The following PRR16 variants were observed in gnomAD, a reference collection of about 807,000 sequenced individuals.
PRR16 encodes proline rich 16, also known as protein Largen.
Under a neutral mutation model 18.2 loss-of-function variants are expected in PRR16, and 6 were observed. The observed-to-expected ratio is 0.33, with a 90% CI of 0.18 to 0.65. The LOEUF (loss-of-function observed/expected upper bound fraction) is 0.65. Ranked by LOEUF, PRR16 falls within the 30% of genes least tolerant of loss-of-function variation. The pLI is 0.74. For synonymous variants in PRR16, 151 were observed against 147.8 expected, an observed-to-expected ratio of 1.02 and a Z score of -0.16; for missense variants, 412 against 376.6, an observed-to-expected ratio of 1.09 and a Z score of -0.78.
At chr5:120,618,595 C>T (rs1375286867) in intron 1 of PRR16, 4 of 905,516 alleles carry the variant, frequency 4.4e-6, no homozygotes, top group South Asian at 5.1e-5. Flanking sequence ...TAGCAAATCA[C>T]ATAAAATGGA....
At chr5:120,692,333 C>A in the PRR16 span, among the ~76,000 whole-genome samples, 1 of 152,098 alleles carries the variant, frequency 6.6e-6, no homozygotes, top group Admixed American at 6.5e-5. Context: ...CACCCTGAGC[C>A]TGGGAGAATC....
the PRR16 span, among the ~76,000 whole-genome samples, chr5:120,753,893 AATAT>A: frequency 7.9e-6 from 1 of 126,064 alleles, no homozygotes; most frequent in Non-Finnish European, 1.6e-5. Context: ...TATTATATAT[AATAT>A]ATATTTATAA....
chr5:120,715,656 A>G, the PRR16 span, among the ~76,000 whole-genome samples: 3 of 152,216 alleles, frequency 2.0e-5, no homozygotes, highest in African/African-American at 4.8e-5. Context: ...TCATGTTAAA[A>G]CAAAGCAAGT....
chr5:120,591,302 T>A (rs566186578), intron 1 of PRR16, among the ~76,000 whole-genome samples: 216 of 151,958 alleles, frequency 1.4e-3, no homozygotes, highest in Non-Finnish European at 5.4e-4. Context: ...AATAAATAAA[T>A]AAAAAATAAT....
intron 1 of PRR16, among the ~76,000 whole-genome samples, chr5:120,666,538 G>C (rs974617885): frequency 6.6e-6 from 1 of 151,896 alleles, no homozygotes; most frequent in African/African-American, 2.4e-5. Context: ...TCTTGTGCCA[G>C]TTTTCAAAGG....
intron 1 of PRR16, among the ~76,000 whole-genome samples, chr5:120,633,192 C>T (rs1386996672): frequency 1.3e-5 from 2 of 152,074 alleles, no homozygotes; most frequent in African/African-American, 2.4e-5. Context: ...AGAGAATTCT[C>T]CACTACCAAG....
chr5:120,781,136 G>C, the PRR16 span: 1 of 151,894 alleles, frequency 6.6e-6, no homozygotes, highest in Non-Finnish European at 1.5e-5. Flanking sequence ...CAAAATAATT[G>C]ACAATTTTTT....
chr5:120,698,508 A>ACAGTCTAAACTGT, the PRR16 span, among the ~76,000 whole-genome samples: 1 of 118,846 alleles, frequency 8.4e-6, no homozygotes, highest in Admixed American at 8.3e-5. Context: ...GCTTGGAGAA[A>ACAGTCTAAACTGT]CAGTGTAAAC....
the PRR16 span, among the ~76,000 whole-genome samples, chr5:120,778,138 T>G: frequency 6.6e-6 from 1 of 152,078 alleles, no homozygotes; most frequent in Admixed American, 6.6e-5. Context: ...CAATAAAGAC[T>G]GCTGATCATT....
In PRR16 at chr5:120,588,525, G is replaced by A. The variant is rs1300727921; in HGVS notation, c.160-97429G>A. Among the ~76,000 whole-genome samples, 4 of 152,178 alleles carry A rather than the reference G, an allele frequency of 2.6e-5. No individual in the cohort carries two copies. In the East Asian group the frequency reaches 7.7e-4, roughly 29 times the overall value. ...ATTAGAAGGATTTCAGCTTGTTGAA[G>A]GCTCAGATGACCATTAACATTTTTA... On this transcript the variant is annotated intron_variant, in intron 1 of 1. Transcript: ENST00000407149.
chr5:120,537,811 C>T (rs1323528089), intron 1 of PRR16, among the ~76,000 whole-genome samples: 66 of 121,258 alleles, frequency 5.4e-4, no homozygotes, highest in African/African-American at 2.0e-3. Flanking sequence ...GAGTCTCGCT[C>T]TGTCGCCCAG....
chr5:120,582,551 A>C (rs933614158), intron 1 of PRR16, among the ~76,000 whole-genome samples: 7 of 152,104 alleles, frequency 4.6e-5, no homozygotes, highest in African/African-American at 7.2e-5. Flanking sequence ...AAAGCAATAA[A>C]CTATGCTCTT....
At chr5:120,766,601 TAAGTG>T in the PRR16 span, among the ~76,000 whole-genome samples, 3 of 152,112 alleles carry the variant, frequency 2.0e-5, no homozygotes, top group Middle Eastern at 3.4e-3. Flanking sequence ...AATTCCCTCT[TAAGTG>T]AATCAGCTCA....
chr5:120,702,809 T>A, the PRR16 span, among the ~76,000 whole-genome samples: 46 of 152,198 alleles, frequency 3.0e-4, 1 homozygote, highest in East Asian at 8.3e-3. Flanking sequence ...AAGAGGCCGC[T>A]TACCTGATTT....
intron 1 of PRR16, among the ~76,000 whole-genome samples, chr5:120,597,071 T>C (rs1205965423): frequency 1.3e-5 from 2 of 151,720 alleles, no homozygotes; most frequent in African/African-American, 4.8e-5. Context: ...TGAATGTTTA[T>C]TTCTTGATAA....
chr5:120,496,160 A>T (rs1750238300), intron 1 of PRR16, among the ~76,000 whole-genome samples: 1 of 152,028 alleles, frequency 6.6e-6, no homozygotes, highest in Non-Finnish European at 1.5e-5. Context: ...CTGTATAATT[A>T]ATTTTGTATA....
chr5:120,537,769 G>GTTATTTTTTTTTTTTTTTTT (rs1561536413), intron 1 of PRR16, among the ~76,000 whole-genome samples: 1 of 115,198 alleles, frequency 8.7e-6, no homozygotes, highest in Non-Finnish European at 1.7e-5. Flanking sequence ...AATTTTTAAT[G>GTTATTTTTTTTTTTTTTTTT]TTTTTTTTTT....
rs546861141 is a variant in PRR16, at chr5:120,484,387, C to T, written c.159+19742C>T. ...TATAATACATGAATATTATATATAT[C>T]ATTTATAATATATAAGAATATATAC... On this transcript the variant is annotated intron_variant, in intron 1 of 1. Coordinates refer to ENST00000407149, the MANE Select transcript of PRR16 (RefSeq NM_001300783.2). Among the ~76,000 whole-genome samples the T allele has an allele frequency of 1.2e-3, 167 of 143,256 alleles. 5 individuals carry two copies. The South Asian group carries it at 0.033, about 28-fold the overall frequency. The allele number at this position is 143,256 out of a possible 152,430, so 94.0% of individuals were successfully genotyped here.
At chr5:120,754,535 A>T in the PRR16 span, among the ~76,000 whole-genome samples, 1 of 91,932 alleles carries the variant, frequency 1.1e-5, no homozygotes, top group Non-Finnish European at 1.9e-5. Flanking sequence ...TTATATAATT[A>T]TATGTAATTA....
Sources: gnomAD v4.1 joint callset for allele counts (sites outside exome capture counted in the v4.1 genomes callset) on GRCh38, gnomAD v4.1.1 for gene constraint, MANE v1.5 for transcripts, NCBI Gene and HGNC (gene_info 2026-07-23, HGNC 2026-07-21) for gene names.